The following TANC1 variants were observed in gnomAD, a reference collection of about 807,000 sequenced individuals.
The protein encoded by TANC1 is protein TANC1.
TANC1 carries 77 observed loss-of-function variants against 149.7 expected under a neutral mutation model. That is an observed-to-expected ratio of 0.51 (90% confidence interval 0.43 to 0.62). The LOEUF (loss-of-function observed/expected upper bound fraction) is 0.62. Among genes scored for constraint, TANC1 ranks in the 20% least tolerant of loss-of-function variants. The pLI, the probability that TANC1 is intolerant of heterozygous loss-of-function variation, is 0.00. For missense variants in TANC1, 1,985 were observed against 2,321.8 expected (o/e 0.85, Z 2.98); for synonymous variants, 854 against 925.0 (o/e 0.92, Z 1.39).
At chr2:159,062,764 G>A (rs2042327039) in intron 2 of TANC1, among the ~76,000 whole-genome samples, 1 of 150,864 alleles carries the variant, frequency 6.6e-6, no homozygotes, top group South Asian at 2.1e-4. Flanking sequence ...TCAGGAGATC[G>A]AGACCATCCT....
intron 16 of TANC1, among the ~76,000 whole-genome samples, chr2:159,193,426 G>A (rs910308090): frequency 2.6e-5 from 4 of 152,190 alleles, no homozygotes; most frequent in African/African-American, 7.2e-5. Flanking sequence ...ATTAACATGA[G>A]GGTACAAATA....
intron 1 of TANC1, among the ~76,000 whole-genome samples, chr2:158,993,321 A>C (rs548923419): frequency 2.6e-5 from 4 of 152,168 alleles, no homozygotes; most frequent in African/African-American, 9.7e-5. Context: ...GTGCAATGGC[A>C]CGATCAGCTT....
intron 22 of TANC1, among the ~76,000 whole-genome samples, chr2:159,221,592 C>A (rs762556870): frequency 3.3e-5 from 5 of 152,182 alleles, no homozygotes; most frequent in Non-Finnish European, 5.9e-5. Flanking sequence ...ATCATGCTGT[C>A]TTTCCGTGCC....
rs12616676 is a variant in TANC1 at position 159,225,037 on chromosome 2, C to T, written c.3812-651C>T. On this transcript the variant is annotated intron_variant, in intron 23 of 26. Coordinates refer to ENST00000263635, the MANE Select transcript of TANC1 (RefSeq NM_033394.3). ...GTGCCAGGAACTATCCAAGCAGTTT[C>T]GCCCTCTGCCTTAATCCCTACCACA... is the stretch of plus-strand genomic sequence containing the variant. 1.7e-3 allele frequency: 261 copies of T among 157,602 alleles called. 5 individuals carry two copies. In the East Asian group the frequency reaches 0.039, roughly 24 times the overall value. 9.8% of individuals were successfully genotyped at this position (157,602 alleles called of 1,614,324 possible). A position where few individuals can be genotyped will look rare whatever the true frequency, so the allele number is the denominator to read the frequency against.
At chr2:159,124,325 C>T (rs766381270) in intron 4 of TANC1, among the ~76,000 whole-genome samples, 2 of 152,082 alleles carry the variant, frequency 1.3e-5, no homozygotes, top group Non-Finnish European at 2.9e-5. Flanking sequence ...TCCTGGGCGA[C>T]GGAACGAGAT....
chr2:159,189,449 T>C (rs1174557888), intron 16 of TANC1, among the ~76,000 whole-genome samples: 1 of 152,242 alleles, frequency 6.6e-6, no homozygotes, highest in Non-Finnish European at 1.5e-5. Context: ...GTTCTTGTCG[T>C]TTCTGAAGAC....
rs139263476 is a variant in TANC1, at chr2:158,980,633, G to T, written c.-126+11851G>T. On this transcript the variant is annotated intron_variant, in intron 1 of 26. Transcript: ENST00000263635. ...CTACTAAAAATACAAAAAATAGCCGGGCATGGTGGCGGGCACCTGTAGTCC... is the reference window on the plus strand; with the variant it reads ...CTACTAAAAATACAAAAAATAGCCGTGCATGGTGGCGGGCACCTGTAGTCC... 1.5e-3 allele frequency among the ~76,000 whole-genome samples: 228 copies of T among 152,014 alleles called. 1 individual carries two copies. The highest frequency in any genetic ancestry group is 3.4e-3 in the Middle Eastern group (1 of 294).
intron 5 of TANC1, chr2:159,147,907 T>G (rs1368737025): frequency 1.3e-5 from 2 of 152,144 alleles, no homozygotes; most frequent in Non-Finnish European, 2.9e-5. Context: ...AACTGATATG[T>G]GAGTGACAAT....
intron 2 of TANC1, chr2:159,027,265 A>G (rs1455755241): frequency 2.0e-5 from 3 of 152,192 alleles, no homozygotes; most frequent in Non-Finnish European, 4.4e-5. Flanking sequence ...GAATGTGGTC[A>G]AAAGTAACCA....
intron 2 of TANC1, among the ~76,000 whole-genome samples, chr2:159,061,795 G>A (rs1163821307): frequency 2.6e-5 from 4 of 152,088 alleles, no homozygotes; most frequent in Non-Finnish European, 4.4e-5. Context: ...GACATCTGAC[G>A]TTCTTCACAT....
At chr2:159,142,926 G>T (rs563732417) in intron 5 of TANC1, among the ~76,000 whole-genome samples, 19 of 151,940 alleles carry the variant, frequency 1.3e-4, no homozygotes, top group Non-Finnish European at 2.4e-4. Context: ...AACTGGGCAT[G>T]GTGGTGGGCA....
chr2:159,175,302 G>A, intron 12 of TANC1, 118 bp downstream of exon 12: 1 of 780,898 alleles, frequency 1.3e-6, no homozygotes, highest in Non-Finnish European at 2.1e-6. Flanking sequence ...GCATGGAGAG[G>A]ATGTCGAAGC....
intron 4 of TANC1, among the ~76,000 whole-genome samples, chr2:159,103,360 T>C (rs1330933388): frequency 4.2e-5 from 4 of 95,678 alleles, no homozygotes; most frequent in African/African-American, 1.2e-4. Flanking sequence ...GATTTCATAT[T>C]CCCCCCAGCA....
intron 24 of TANC1, chr2:159,227,583 C>A: frequency 2.0e-6 from 1 of 510,430 alleles, no homozygotes; most frequent in African/African-American, 2.0e-5. Context: ...TATTGTAAAA[C>A]CAGCTTCTTT....
rs751021873 is a variant in TANC1, at chr2:159,136,297, T to A, written c.363T>A (p.His121Gln). 15 of 1,559,926 alleles carry A rather than the reference T, an allele frequency of 9.6e-6. No individual in the cohort carries two copies. The highest frequency in any genetic ancestry group is 1.3e-5 in the Non-Finnish European group (15 of 1,130,706). ...CCAAGCCAACAGAGCCTGATGAGCA[T>A]GGTAAGAATTTCAGTGATTTCCTTC... ...EVAKPTEPDE[H>Q]EAKADNEPSC... is the part of the protein sequence containing the mutation. Residue 121 changes from histidine (H) to glutamine (Q), a missense_variant and splice_region_variant, in exon 5 of 27, where the codon CAT becomes CAA. His to Gln is a conservative substitution (Grantham distance 24). This residue lies in a region of TANC1 where 557 missense variants were observed against 612.9 expected (regional missense o/e 0.91). Coordinates refer to ENST00000263635, the MANE Select transcript of TANC1 (RefSeq NM_033394.3).
At position 159,176,536 on chromosome 2, in the gene TANC1, A is replaced by T; in HGVS notation, c.1902+18A>T. 6.3e-7 allele frequency: 1 copy of T among 1,577,114 alleles called. No individual in the cohort carries two copies. On this transcript the variant is annotated intron_variant, in intron 13 of 26. Coordinates refer to ENST00000263635, the MANE Select transcript of TANC1 (RefSeq NM_033394.3). ...ATTTTCAGGTAACAAAGAATTCTCA[A>T]ATCTTTCTCCAAGTCCCCATTCCAA... is the stretch of plus-strand genomic sequence containing the variant.
At position 159,231,059 on chromosome 2, in the gene TANC1, C is replaced by T. The variant is rs1368387876; in HGVS notation, c.*47C>T. 2 of 1,410,642 alleles carry T rather than the reference C, an allele frequency of 1.4e-6. No individual in the cohort carries two copies. Among genetic ancestry groups the T allele is most frequent in the Non-Finnish European group, 1.9e-6 (2 of 1,036,078 alleles). The allele number at this position is 1,410,642 out of a possible 1,614,324, so 87.4% of individuals were successfully genotyped here. The stretch of plus-strand genomic sequence containing the variant: ...TGGAATTTGGAAACGTGTGTTGACT[C>T]CTGGTGGTAAATTAAATAGTTTTTT... On this transcript the variant is annotated 3_prime_UTR_variant, in exon 27 of 27. Coordinates refer to ENST00000263635, the MANE Select transcript of TANC1 (RefSeq NM_033394.3).
chr2:159,006,392 A>G (rs2037184710), intron 2 of TANC1, among the ~76,000 whole-genome samples: 1 of 152,024 alleles, frequency 6.6e-6, no homozygotes, highest in Admixed American at 6.6e-5. Context: ...ACAAACTTTT[A>G]GTAGGAATTA....
intron 22 of TANC1, among the ~76,000 whole-genome samples, chr2:159,223,270 C>A (rs1344788275): frequency 6.6e-6 from 1 of 152,122 alleles, no homozygotes; most frequent in Admixed American, 6.5e-5. Context: ...AGCCATGGCC[C>A]TGCATGTCTG....
Sources: gnomAD v4.1 joint callset for allele counts (sites outside exome capture counted in the v4.1 genomes callset) on GRCh38, gnomAD v4.1.1 for gene constraint, gnomAD v4.1.1 regional missense constraint, MANE v1.5 for transcripts, NCBI Gene and HGNC (gene_info 2026-07-23, HGNC 2026-07-21) for gene names.